The following CHEK2 variants were observed in gnomAD, a reference collection of about 807,000 sequenced individuals.
CHEK2 encodes the protein checkpoint kinase 2, also known as serine/threonine-protein kinase Chk2.
Under a neutral mutation model 69.1 loss-of-function variants are expected in CHEK2, and 71 were observed. That is an observed-to-expected ratio of 1.03 (90% CI 0.85 to 1.25). The LOEUF (loss-of-function observed/expected upper bound fraction) is 1.25, where lower values mean the gene tolerates loss of function less well. Among genes scored for constraint, CHEK2 ranks in the 50% most tolerant of loss-of-function variants. The pLI is 0.00. For synonymous variants in CHEK2, 189 were observed against 226.9 expected (o/e 0.83, Z 1.50); for missense variants, 664 against 649.6 (o/e 1.02, Z -0.24).
intron 2 of CHEK2, 85 bp downstream of exon 2, chr22:28,734,318 C>A: frequency 1.5e-6 from 2 of 1,352,550 alleles, no homozygotes; most frequent in East Asian, 2.4e-5. Flanking sequence ...TGGACAACTC[C>A]AATCAGAACC....
chr22:28,719,714 C>G (rs1292751581), intron 4 of CHEK2, among the ~76,000 whole-genome samples: 2 of 152,196 alleles, frequency 1.3e-5, no homozygotes, highest in East Asian at 1.9e-4. Flanking sequence ...TTCAATGGAA[C>G]TATAAGCATC....
At chr22:28,731,254 T>A (rs573760813) in intron 2 of CHEK2, among the ~76,000 whole-genome samples, 1 of 151,754 alleles carries the variant, frequency 6.6e-6, no homozygotes, top group East Asian at 1.9e-4. Context: ...GAATTAAAAC[T>A]GTAAAATTTT....
chr22:28,701,413 TG>T (rs2052842114), intron 8 of CHEK2, among the ~76,000 whole-genome samples: 1 of 152,100 alleles, frequency 6.6e-6, no homozygotes, highest in South Asian at 2.1e-4. Context: ...GGTTTTGCCA[TG>T]TTGGCCAGGC....
chr22:28,699,283 G>A (rs1163555631), intron 9 of CHEK2, among the ~76,000 whole-genome samples: 12 of 151,644 alleles, frequency 7.9e-5, no homozygotes, highest in African/African-American at 2.4e-5. Context: ...GACTACAGGC[G>A]TGAGCCACTA....
intron 2 of CHEK2, chr22:28,728,159 G>A (rs2054074535): frequency 1.3e-5 from 2 of 152,112 alleles, no homozygotes; most frequent in Non-Finnish European, 2.9e-5. Flanking sequence ...TCCAAATTTA[G>A]TTAGTTAAAA....
At chr22:28,715,112 A>T (rs1446577318) in intron 5 of CHEK2, among the ~76,000 whole-genome samples, 1 of 152,212 alleles carries the variant, frequency 6.6e-6, no homozygotes, top group East Asian at 1.9e-4. Context: ...CTTGAAATCA[A>T]ATGCTGACAT....
At position 28,724,973 on chromosome 22, in the gene CHEK2, T is replaced by C. The variant is rs375905418; in HGVS notation, c.592+4A>G. 39 of 1,613,854 alleles carry C rather than the reference T, an allele frequency of 2.4e-5. No individual in the cohort carries two copies. Among genetic ancestry groups the C allele is most frequent in the Non-Finnish European group, 3.1e-5 (37 of 1,179,900 alleles). On this transcript the variant is annotated splice_donor_region_variant and intron_variant, in intron 4 of 14. Transcript: ENST00000404276. ...TTCCAGTAACCATAAGATAATAATA[T>C]TACCTTTATTTCTGCTTAGTGACAG...
intron 5 of CHEK2, among the ~76,000 whole-genome samples, chr22:28,718,321 G>T (rs542755055): frequency 6.6e-6 from 1 of 152,300 alleles, no homozygotes; most frequent in African/African-American, 2.4e-5. Context: ...CTGGTACACT[G>T]TTGGTGGGAA....
At chr22:28,736,556 T>G (rs907254683) in intron 1 of CHEK2, among the ~76,000 whole-genome samples, 7 of 152,226 alleles carry the variant, frequency 4.6e-5, no homozygotes, top group African/African-American at 1.7e-4. Flanking sequence ...CCGGCCTTGA[T>G]GTAATCTTGC....
At chr22:28,707,728 G>T (rs1239711819) in intron 7 of CHEK2, among the ~76,000 whole-genome samples, 1 of 151,618 alleles carries the variant, frequency 6.6e-6, no homozygotes, top group Non-Finnish European at 1.5e-5. Flanking sequence ...CTTTTTTAGG[G>T]TTTTGAATTC....
At chr22:28,733,805 G>A (rs1006156512) in intron 2 of CHEK2, among the ~76,000 whole-genome samples, 2 of 151,726 alleles carry the variant, frequency 1.3e-5, no homozygotes, top group Non-Finnish European at 2.9e-5. Context: ...TGTAATCCCA[G>A]CTACTCAGGA....
chr22:28,713,115 C>G lies in CHEK2; in HGVS notation c.684-1098G>C, dbSNP rs1353906739. 2.6e-5 allele frequency among the ~76,000 whole-genome samples: 4 copies of G among 152,220 alleles called. No homozygotes were observed. The East Asian group carries it at 7.7e-4, about 29-fold the overall frequency. Reference sequence around the variant, plus strand: ...AGCCTTTCGTGTCTGGATTCTTTCACTTAGCGTAATGCCATAACATTTGTG... The same window carrying G: ...AGCCTTTCGTGTCTGGATTCTTTCAGTTAGCGTAATGCCATAACATTTGTG... On this transcript the variant is annotated intron_variant, in intron 5 of 14. Transcript: ENST00000404276.
intron 2 of CHEK2, chr22:28,728,121 C>T (rs989141575): frequency 6.6e-6 from 1 of 152,022 alleles, no homozygotes; most frequent in Non-Finnish European, 1.5e-5. Context: ...GAGACCCTAT[C>T]TCTAGAAAGA....
chr22:28,725,578 T>C (rs1468258221), intron 2 of CHEK2, among the ~76,000 whole-genome samples: 1 of 152,138 alleles, frequency 6.6e-6, no homozygotes, highest in Non-Finnish European at 1.5e-5. Context: ...TATAACCACA[T>C]GGCCAGGCAC....
intron 4 of CHEK2, among the ~76,000 whole-genome samples, chr22:28,722,961 CA>C (rs879703542): frequency 7.2e-5 from 11 of 152,156 alleles, no homozygotes; most frequent in African/African-American, 2.7e-4. Context: ...GTCGCACACA[CA>C]TAGACACCCT....
At chr22:28,703,700 A>G (rs1601753777) in intron 7 of CHEK2, 134 bp from the exon 8 acceptor site, 1 of 661,464 alleles carries the variant, frequency 1.5e-6, no homozygotes, top group Non-Finnish European at 2.7e-6. Context: ...AGAGGCTTGG[A>G]AGTTCAATCA....
At chr22:28,731,426 C>G (rs1051844578) in intron 2 of CHEK2, among the ~76,000 whole-genome samples, 1 of 152,012 alleles carries the variant, frequency 6.6e-6, no homozygotes, top group African/African-American at 2.4e-5. Flanking sequence ...TGATGACAAC[C>G]CGTCCCTACT....
At chr22:28,693,788 G>T (rs949302552) in intron 13 of CHEK2, among the ~76,000 whole-genome samples, 5 of 152,038 alleles carry the variant, frequency 3.3e-5, no homozygotes, top group African/African-American at 1.2e-4. Context: ...GAACCCGGGG[G>T]CCAGAGGTTG....
intron 4 of CHEK2, 97 bp downstream of exon 4, chr22:28,724,880 A>C (rs756406728): frequency 7.8e-7 from 1 of 1,288,080 alleles, no homozygotes; most frequent in Non-Finnish European, 1.1e-6. Context: ...ACTCATCTTT[A>C]CTCACTTAAA....
Sources: allele counts gnomAD v4.1 joint callset (sites outside exome capture counted in the v4.1 genomes callset), GRCh38; gene constraint gnomAD v4.1.1; transcripts MANE v1.5; gene names NCBI Gene and HGNC (gene_info 2026-07-23, HGNC 2026-07-21).